Variants in RBM20 observed in about 807,000 individuals in gnomAD.
RBM20 encodes RNA binding motif protein 20.
A neutral mutation model predicts 110.1 loss-of-function variants in RBM20; 51 were observed. That is an observed-to-expected ratio of 0.46 (90% CI 0.37 to 0.59). The LOEUF (loss-of-function observed/expected upper bound fraction) is 0.59, where lower values mean the gene tolerates loss of function less well. RBM20 is among the 20% of genes least tolerant of loss of function. The probability of loss-of-function intolerance (pLI) is 0.00; values close to 1 mark genes in which losing one functional copy is unlikely to be tolerated. For missense variants in RBM20, 1,512 were observed against 1,574.9 expected, an observed-to-expected ratio of 0.96 and a Z score of 0.68; for synonymous variants, 589 against 618.2, an observed-to-expected ratio of 0.95 and a Z score of 0.70.
At chr10:110,822,548 C>T (rs1393407486) in intron 11 of RBM20, 3 of 451,390 alleles carry the variant, frequency 6.6e-6, no homozygotes, top group African/African-American at 4.0e-5. Flanking sequence ...AGGCTAAGCC[C>T]CGTCTTCTCT....
rs372538432 is a variant in RBM20, at chr10:110,825,763, A to G, written c.3451+2149A>G. 3.9e-5 allele frequency among the ~76,000 whole-genome samples: 6 copies of G among 152,306 alleles called. No individual in the cohort carries two copies. In the South Asian group the frequency reaches 6.2e-4, roughly 16 times the overall value. On this transcript the variant is annotated intron_variant, in intron 12 of 13. Transcript: ENST00000369519. ...TTTAATAGCTAAGCTTTTATTGTTA[A>G]CATTCCCCATGCAGGCACCATCCCT... is the stretch of plus-strand genomic sequence containing the variant.
intron 5 of RBM20, among the ~76,000 whole-genome samples, chr10:110,792,157 A>G (rs1202203133): frequency 2.2e-4 from 34 of 151,136 alleles, no homozygotes; most frequent in East Asian, 1.7e-3. Flanking sequence ...CTATCTATCT[A>G]TCTATCTATC....
chr10:110,801,700 C>CTTTTT (rs61281177), intron 7 of RBM20, among the ~76,000 whole-genome samples: 25 of 116,742 alleles, frequency 2.1e-4, no homozygotes, highest in Admixed American at 3.7e-4. Context: ...TGCCTGGCTA[C>CTTTTT]TTTTTTTTTT....
chr10:110,747,181 T>C (rs1483965527), intron 1 of RBM20, among the ~76,000 whole-genome samples: 1 of 152,076 alleles, frequency 6.6e-6, no homozygotes, highest in Admixed American at 6.5e-5. Flanking sequence ...TATTTCAGAA[T>C]AGAAAGTTAA....
chr10:110,710,735 C>A (rs1369269400), intron 1 of RBM20, among the ~76,000 whole-genome samples: 2 of 152,226 alleles, frequency 1.3e-5, no homozygotes, highest in Non-Finnish European at 2.9e-5. Flanking sequence ...TCCAGCTAGA[C>A]ACGTGCGTCA....
Position 110,768,624 on chromosome 10 carries a change from T to C in RBM20, c.192-12177T>C, listed in dbSNP as rs1797309075. On this transcript the variant is annotated intron_variant, in intron 1 of 13. Transcript: ENST00000369519. Reference sequence around the variant, plus strand: ...CATTCCCACATGCTTAAGACAGTCATAATTTCAAGTCAGTTGAACCAGTAT... The same window carrying C: ...CATTCCCACATGCTTAAGACAGTCACAATTTCAAGTCAGTTGAACCAGTAT... Among the ~76,000 whole-genome samples the C allele has an allele frequency of 3.3e-5, 5 of 152,340 alleles. No homozygotes were observed. The South Asian group carries it at 1.0e-3, about 32-fold the overall frequency.
At position 110,823,454 on chromosome 10, in the gene RBM20, T is replaced by TG; in HGVS notation, c.3317-26_3317-25insG. Reference sequence around the variant, plus strand: ...TTCTTTTTTTTTTTTTTTTTTTTTTTTTTTGCCTTGGTTCATGTTTTGCAG... The same window carrying TG: ...TTCTTTTTTTTTTTTTTTTTTTTTTTGTTTTGCCTTGGTTCATGTTTTGCAG... On this transcript the variant is annotated intron_variant, in intron 11 of 13. Transcript: ENST00000369519. 5 of 846,526 alleles carry TG rather than the reference T, an allele frequency of 5.9e-6. No homozygotes were observed. In the South Asian group the frequency reaches 9.5e-5, roughly 16 times the overall value. The allele number at this position is 846,526 out of a possible 1,614,324, so 52.4% of individuals were successfully genotyped here. A position where few individuals can be genotyped will look rare whatever the true frequency, so the allele number is the denominator to read the frequency against.
At chr10:110,732,929 T>C (rs1033204055) in intron 1 of RBM20, among the ~76,000 whole-genome samples, 1 of 152,326 alleles carries the variant, frequency 6.6e-6, no homozygotes, top group Non-Finnish European at 1.5e-5. Flanking sequence ...CCAATCTCAG[T>C]GACCAATATC....
intron 1 of RBM20, among the ~76,000 whole-genome samples, chr10:110,656,482 G>A (rs1862028326): frequency 6.6e-6 from 1 of 152,038 alleles, no homozygotes; most frequent in Admixed American, 6.6e-5. Flanking sequence ...GTGTGTGTGT[G>A]TGTGTCTTCT....
chr10:110,736,618 C>T (rs1026550229), intron 1 of RBM20, among the ~76,000 whole-genome samples: 1 of 152,128 alleles, frequency 6.6e-6, no homozygotes, highest in African/African-American at 2.4e-5. Context: ...GCTGGGAATG[C>T]AGAAACATGC....
intron 1 of RBM20, among the ~76,000 whole-genome samples, chr10:110,767,413 G>C (rs1327516159): frequency 1.3e-5 from 2 of 150,726 alleles, no homozygotes; most frequent in African/African-American, 4.9e-5. Flanking sequence ...CCTCCCGGAC[G>C]GGGTGGCTGC....
intron 1 of RBM20, among the ~76,000 whole-genome samples, chr10:110,654,971 T>A (rs1862000916): frequency 6.6e-6 from 1 of 152,218 alleles, no homozygotes; most frequent in Non-Finnish European, 1.5e-5. Context: ...TAAGTGTTGT[T>A]ATTCTCCCCA....
rs1181733177 is a variant in RBM20, at chr10:110,837,610, C to T, written c.*1632C>T. On this transcript the variant is annotated 3_prime_UTR_variant, in exon 14 of 14. Transcript: ENST00000369519. ...CCTTTTTATGGCATGTGAGAGCATA[C>T]TGTACATTCTGTCCTCTGTACTAAT... 1.3e-5 allele frequency: 2 copies of T among 152,134 alleles called. No individual in the cohort carries two copies. The highest frequency in any genetic ancestry group is 2.1e-4 in the South Asian group (1 of 4,822). The allele number at this position is 152,134 out of a possible 1,614,324, so 9.4% of individuals were successfully genotyped here.
intron 7 of RBM20, among the ~76,000 whole-genome samples, chr10:110,810,151 T>C (rs976000403): frequency 1.3e-5 from 2 of 152,168 alleles, no homozygotes; most frequent in Non-Finnish European, 2.9e-5. Flanking sequence ...AACACCAGGC[T>C]CCTTCCTTCC....
intron 1 of RBM20, among the ~76,000 whole-genome samples, chr10:110,684,794 C>A (rs1200789797): frequency 2.6e-5 from 4 of 152,112 alleles, no homozygotes; most frequent in African/African-American, 9.7e-5. Flanking sequence ...ACTTTGTCAC[C>A]ATGTGTTTAT....
At chr10:110,662,438 A>G (rs1862117928) in intron 1 of RBM20, among the ~76,000 whole-genome samples, 1 of 152,250 alleles carries the variant, frequency 6.6e-6, no homozygotes, top group Non-Finnish European at 1.5e-5. Context: ...TCCTCGGTCT[A>G]AAATGTAGAG....
rs990982244 is a variant in RBM20, at chr10:110,836,361, A to C, written c.*383A>C. 6.3e-6 allele frequency: 1 copy of C among 158,352 alleles called. No individual in the cohort carries two copies. Among genetic ancestry groups the C allele is most frequent in the Non-Finnish European group, 1.4e-5 (1 of 72,154 alleles). The allele number at this position is 158,352 out of a possible 1,614,324, so 9.8% of individuals were successfully genotyped here. ...TCACAGTGTTTAAATTCTTGGTAGG[A>C]TATAACAGGTCAGGCCTAGCTGAGT... On this transcript the variant is annotated 3_prime_UTR_variant, in exon 14 of 14. Coordinates refer to ENST00000369519, the MANE Select transcript of RBM20 (RefSeq NM_001134363.3).
chr10:110,656,737 GT>G (rs531572417), intron 1 of RBM20, among the ~76,000 whole-genome samples: 108 of 152,280 alleles, frequency 7.1e-4, no homozygotes, highest in African/African-American at 2.5e-3. Context: ...GGCTTTTTGT[GT>G]CTGGCTTCTT....
chr10:110,666,785 G>C (rs551125280), intron 1 of RBM20, among the ~76,000 whole-genome samples: 2 of 152,132 alleles, frequency 1.3e-5, no homozygotes, highest in African/African-American at 2.4e-5. Context: ...TCAAACTATT[G>C]TAGGATTGTT....
Sources: allele counts gnomAD v4.1 joint callset (sites outside exome capture counted in the v4.1 genomes callset), GRCh38; gene constraint gnomAD v4.1.1; transcripts MANE v1.5; gene names NCBI Gene and HGNC (gene_info 2026-07-23, HGNC 2026-07-21).